Variants in DGLUCY observed in about 807,000 individuals in gnomAD.
DGLUCY encodes D-glutamate cyclase, mitochondrial.
DGLUCY carries 58 observed loss-of-function variants against 58.5 expected under a neutral mutation model. The ratio of observed to expected loss-of-function variants is 0.99; its 90% confidence interval spans 0.80 to 1.23. The LOEUF (loss-of-function observed/expected upper bound fraction) is 1.23. Among genes scored for constraint, DGLUCY ranks in the 50% most tolerant of loss-of-function variants. The pLI, the probability that DGLUCY is intolerant of heterozygous loss-of-function variation, is 0.00. For missense variants in DGLUCY, 779 were observed against 784.7 expected, an observed-to-expected ratio of 0.99 and a Z score of 0.09; for synonymous variants, 325 against 314.1, an observed-to-expected ratio of 1.03 and a Z score of -0.37.
At chr14:91,104,186 C>G (rs569416767), upstream of DGLUCY, among the ~76,000 whole-genome samples, 2 of 150,254 alleles carry the variant, frequency 1.3e-5, no homozygotes, top group South Asian at 4.2e-4. Flanking sequence ...CCTCAGCCTC[C>G]TGAGTAGCTG....
intron 8 of DGLUCY, among the ~76,000 whole-genome samples, chr14:91,182,927 T>TTTATTTTATTTTTC: frequency 1.3e-5 from 2 of 150,482 alleles, no homozygotes; most frequent in Middle Eastern, 6.9e-3. Context: ...TTTTATTTTT[T>TTTATTTTATTTTTC]ATTTTATTTT....
intron 12 of DGLUCY, among the ~76,000 whole-genome samples, chr14:91,211,244 ATGTCAGT>A (rs1443295333): frequency 1.3e-5 from 2 of 152,212 alleles, no homozygotes; most frequent in African/African-American, 4.8e-5. Context: ...TATTGTCAAG[ATGTCAGT>A]TCTCCCAACT....
At chr14:91,219,277 T>A (rs1020576016) in intron 13 of DGLUCY, among the ~76,000 whole-genome samples, 6 of 151,526 alleles carry the variant, frequency 4.0e-5, no homozygotes, top group African/African-American at 1.5e-4. Flanking sequence ...CTGGAGGAGG[T>A]GGCACTGGCA....
intron 5 of DGLUCY, among the ~76,000 whole-genome samples, chr14:91,171,455 G>A (rs901894597): frequency 6.6e-6 from 1 of 152,224 alleles, no homozygotes; most frequent in African/African-American, 2.4e-5. Flanking sequence ...GGGCTCCAGG[G>A]AGAGATGGCC....
intron 1 of DGLUCY, among the ~76,000 whole-genome samples, chr14:91,131,549 G>A (rs998457067): frequency 2.0e-5 from 3 of 151,876 alleles, no homozygotes; most frequent in Non-Finnish European, 4.4e-5. Context: ...CATGTGCCAT[G>A]TTGGTGTGCT....
At chr14:91,166,949 A>T (rs954453561) in intron 3 of DGLUCY, among the ~76,000 whole-genome samples, 18 of 152,014 alleles carry the variant, frequency 1.2e-4, no homozygotes, top group African/African-American at 4.3e-4. Context: ...GCCAATAAAT[A>T]TCCCATGTAT....
intron 1 of DGLUCY, among the ~76,000 whole-genome samples, chr14:91,075,271 C>T (rs1479594422): frequency 6.6e-6 from 1 of 152,056 alleles, no homozygotes; most frequent in Non-Finnish European, 1.5e-5. Flanking sequence ...AGGGTTGTCA[C>T]AGTAGCATTT....
intron 1 of DGLUCY, among the ~76,000 whole-genome samples, chr14:91,095,452 G>A (rs892921227): frequency 2.0e-4 from 31 of 152,190 alleles, no homozygotes; most frequent in Non-Finnish European, 4.4e-4. Flanking sequence ...ATCTTTACAC[G>A]TGAAGGCAAG....
At chr14:91,097,659 AG>A (rs541390678) in intron 1 of DGLUCY, among the ~76,000 whole-genome samples, 218 of 150,452 alleles carry the variant, frequency 1.4e-3, no homozygotes, top group African/African-American at 4.7e-3. Context: ...TTGGCGATCA[AG>A]GACCCCCTCC....
At chr14:91,181,158 G>T in intron 7 of DGLUCY, 28 bp from the exon 8 acceptor site, 3 of 1,608,918 alleles carry the variant, frequency 1.9e-6, no homozygotes. Flanking sequence ...AAGTGGCTGG[G>T]CTCAGACCCT....
At chr14:91,205,844 T>TC (rs1449888068) in intron 12 of DGLUCY, among the ~76,000 whole-genome samples, 1,465 of 118,720 alleles carry the variant, frequency 0.012, 26 homozygotes, top group Non-Finnish European at 0.019. Context: ...TTCTTCTTCT[T>TC]TTTTTTTTTT....
chr14:91,196,960 C>G (rs1351401341), intron 10 of DGLUCY, among the ~76,000 whole-genome samples: 1 of 151,906 alleles, frequency 6.6e-6, no homozygotes, highest in African/African-American at 2.4e-5. Flanking sequence ...GTGTTATGGT[C>G]AAACTTTTTT....
At chr14:91,068,903 A>G (rs1187229024) in intron 1 of DGLUCY, among the ~76,000 whole-genome samples, 1 of 152,232 alleles carries the variant, frequency 6.6e-6, no homozygotes, top group Non-Finnish European at 1.5e-5. Context: ...TACAGTGCCT[A>G]CATCCATGAG....
chr14:91,074,641 A>G (rs2043988903), intron 1 of DGLUCY, among the ~76,000 whole-genome samples: 1 of 152,214 alleles, frequency 6.6e-6, no homozygotes, highest in African/African-American at 2.4e-5. Context: ...TGACCGTAAA[A>G]CATGAAAATC....
intron 1 of DGLUCY, among the ~76,000 whole-genome samples, chr14:91,092,457 G>A (rs574234870): frequency 2.0e-5 from 3 of 152,306 alleles, no homozygotes; most frequent in African/African-American, 7.2e-5. Context: ...CTCCCTATGA[G>A]AAAAGTGGCA....
At chr14:91,201,415 C>G (rs1204103883) in intron 11 of DGLUCY, among the ~76,000 whole-genome samples, 2 of 151,998 alleles carry the variant, frequency 1.3e-5, no homozygotes, top group Non-Finnish European at 2.9e-5. Context: ...TCCCCTGCCT[C>G]AGCTTCCCGA....
chr14:91,175,791 C>T, intron 6 of DGLUCY, 143 bp from the exon 7 acceptor site: 2 of 908,188 alleles, frequency 2.2e-6, no homozygotes, highest in Non-Finnish European at 3.3e-6. Context: ...AATCCCTATT[C>T]TCCTTCACCT....
chr14:91,086,562 A>G (rs768182), intron 1 of DGLUCY, among the ~76,000 whole-genome samples: 10,801 of 152,174 alleles, frequency 0.071, 1,318 homozygotes, highest in African/African-American at 0.25. Context: ...AAGCCTGTAC[A>G]TGTTCAGTAA....
rs185387337 is a variant in DGLUCY, at chr14:91,156,182, C to T, written c.-81-1457C>T. On this transcript the variant is annotated intron_variant, in intron 1 of 13. Transcript: ENST00000256324. ...AGACTGGAGTGCAGTAGCGTGATCT[C>T]GGCTCACTGCAACCTCCGCCTCCCA... 4.9e-4 allele frequency among the ~76,000 whole-genome samples: 74 copies of T among 150,898 alleles called. No homozygotes were observed. In the East Asian group the frequency reaches 9.2e-3, roughly 19 times the overall value.
Sources: gnomAD v4.1 joint callset for allele counts (sites outside exome capture counted in the v4.1 genomes callset) on GRCh38, gnomAD v4.1.1 for gene constraint, MANE v1.5 for transcripts, NCBI Gene and HGNC (gene_info 2026-07-23, HGNC 2026-07-21) for gene names.